The following COG5 variants were observed in gnomAD, a reference collection of about 807,000 sequenced individuals.
COG5 encodes conserved oligomeric Golgi complex subunit 5.
Under a neutral mutation model 110.4 loss-of-function variants are expected in COG5, and 86 were observed. The ratio of observed to expected loss-of-function variants is 0.78; its 90% CI spans 0.65 to 0.93. COG5 has a LOEUF of 0.93. Ranked by LOEUF, COG5 falls within the 40% of genes least tolerant of loss-of-function variation. The pLI, the probability that COG5 is intolerant of heterozygous loss-of-function variation, is 0.00. For missense variants in COG5, 1,077 were observed against 987.0 expected (o/e 1.09, Z -1.22); for synonymous variants, 360 against 334.6 (o/e 1.08, Z -0.83).
At chr7:107,441,455 C>G (rs1353588660) in intron 6 of COG5, among the ~76,000 whole-genome samples, 1 of 151,948 alleles carries the variant, frequency 6.6e-6, no homozygotes, top group Non-Finnish European at 1.5e-5. Flanking sequence ...CTTTTTAGCC[C>G]TTCACTGTCA....
At chr7:107,520,348 G>T (rs934115955) in intron 6 of COG5, among the ~76,000 whole-genome samples, 2 of 152,188 alleles carry the variant, frequency 1.3e-5, no homozygotes, top group Non-Finnish European at 2.9e-5. Context: ...AAGAGAGGAA[G>T]TCAAATTGTC....
chr7:107,298,404 T>C, intron 11 of COG5, 58 bp from the exon 12 acceptor site: 1 of 1,402,646 alleles, frequency 7.1e-7, no homozygotes, highest in South Asian at 1.2e-5. Context: ...TAAATGTTTC[T>C]TTTGCATATG....
chr7:107,420,575 C>G (rs139435676), intron 6 of COG5, among the ~76,000 whole-genome samples: 20,147 of 152,198 alleles, frequency 0.13, 1,646 homozygotes, highest in Non-Finnish European at 0.18. Context: ...ATTCTCCTGC[C>G]TCAGCCTCCT....
intron 14 of COG5, among the ~76,000 whole-genome samples, chr7:107,259,564 A>G (rs532344539): frequency 7.2e-5 from 11 of 152,228 alleles, no homozygotes; most frequent in African/African-American, 2.6e-4. Context: ...GGTGAGTGGC[A>G]TCGGTGGGTA....
chr7:107,493,866 G>T (rs1798112190), intron 6 of COG5, among the ~76,000 whole-genome samples: 1 of 152,162 alleles, frequency 6.6e-6, no homozygotes, highest in Non-Finnish European at 1.5e-5. Context: ...TTGGGACACA[G>T]ATCTTCTGCT....
At chr7:107,304,501 G>C (rs565166938) in intron 11 of COG5, among the ~76,000 whole-genome samples, 2 of 152,294 alleles carry the variant, frequency 1.3e-5, no homozygotes, top group Admixed American at 1.3e-4. Context: ...AATGAAAAGG[G>C]GGTCTAGGTT....
intron 10 of COG5, among the ~76,000 whole-genome samples, chr7:107,328,399 G>C (rs924444765): frequency 6.6e-6 from 1 of 152,170 alleles, no homozygotes; most frequent in African/African-American, 2.4e-5. Context: ...ATGTCATTAT[G>C]TGGTGTATGA....
intron 5 of COG5, among the ~76,000 whole-genome samples, chr7:107,538,493 A>G (rs979598597): frequency 6.6e-6 from 1 of 152,122 alleles, no homozygotes; most frequent in Admixed American, 6.6e-5. Context: ...CACTCTGAAC[A>G]TCACTATTTG....
In COG5 at chr7:107,508,171, C is replaced by T. The variant is rs145996728; in HGVS notation, c.538+19066G>A. On this transcript the variant is annotated intron_variant, in intron 6 of 21. Coordinates refer to ENST00000297135, the MANE Select transcript of COG5 (RefSeq NM_006348.5). ...AGAAGGCACCTGGAAAATCGGGTAA[C>T]TCCCACCCTAATACTGCACTTTTCC... is the stretch of plus-strand genomic sequence containing the variant. Among the ~76,000 whole-genome samples, 841 of 152,344 alleles carry T rather than the reference C, an allele frequency of 5.5e-3. 11 individuals carry two copies. The highest frequency in any genetic ancestry group is 0.019 in the African/African-American group (808 of 41,578).
chr7:107,351,635 C>A (rs1812146019), intron 10 of COG5, among the ~76,000 whole-genome samples: 1 of 152,086 alleles, frequency 6.6e-6, no homozygotes, highest in Non-Finnish European at 1.5e-5. Context: ...ACAACCCCAT[C>A]AAAAAGTGAG....
At chr7:107,490,642 G>C (rs959632525) in intron 6 of COG5, among the ~76,000 whole-genome samples, 1 of 152,098 alleles carries the variant, frequency 6.6e-6, no homozygotes, top group African/African-American at 2.4e-5. Context: ...ACTATATACT[G>C]GGCAGGGTCA....
At chr7:107,383,446 T>C (rs1465182359) in intron 7 of COG5, among the ~76,000 whole-genome samples, 2 of 152,130 alleles carry the variant, frequency 1.3e-5, no homozygotes, top group African/African-American at 4.8e-5. Context: ...CAGGTTAATA[T>C]CCATGGCATA....
chr7:107,305,397 T>A (rs1215577362), intron 11 of COG5, among the ~76,000 whole-genome samples: 2 of 152,184 alleles, frequency 1.3e-5, no homozygotes, highest in African/African-American at 4.8e-5. Context: ...ATCACCCAGA[T>A]TATGAAAGCA....
At chr7:107,224,608 T>G (rs1452501723) in intron 19 of COG5, among the ~76,000 whole-genome samples, 1 of 152,178 alleles carries the variant, frequency 6.6e-6, no homozygotes, top group Non-Finnish European at 1.5e-5. Context: ...TGAAGAGCAT[T>G]TGCTCCCTTT....
Position 107,349,564 on chromosome 7 carries a change from C to CT in COG5, c.1026+12468dup, listed in dbSNP as rs553205073. Among the ~76,000 whole-genome samples the CT allele has an allele frequency of 6.1e-3, 862 of 140,876 alleles. 6 individuals are homozygous for CT. Among genetic ancestry groups the CT allele is most frequent in the African/African-American group, 0.02 (762 of 38,462 alleles). 92.4% of individuals were successfully genotyped at this position (140,876 alleles called of 152,430 possible). ...TACAGGCACGTGCCATCATGCTTGG[C>CT]TTTTTTTTTTTGAGACAGAGTCTCG... On this transcript the variant is annotated intron_variant, in intron 10 of 21. Transcript: ENST00000297135.
chr7:107,211,767 T>C (rs1332751646), intron 19 of COG5, among the ~76,000 whole-genome samples: 2 of 152,224 alleles, frequency 1.3e-5, no homozygotes, highest in African/African-American at 2.4e-5. Flanking sequence ...TTATACTATA[T>C]TACATGTATG....
In COG5 at chr7:107,535,515, A is replaced by C. The variant is rs556831159; in HGVS notation, c.418-8158T>G. Among the ~76,000 whole-genome samples the C allele has an allele frequency of 2.0e-5, 3 of 148,584 alleles. No homozygotes were observed. In the South Asian group the frequency reaches 6.2e-4, roughly 31 times the overall value. Reference sequence around the variant, plus strand: ...TCCCACAGAAATACAAACTACCATCACAGAATACCATAAACACCTCTATGC... The same window carrying C: ...TCCCACAGAAATACAAACTACCATCCCAGAATACCATAAACACCTCTATGC... On this transcript the variant is annotated intron_variant, in intron 5 of 21. Coordinates refer to ENST00000297135, the MANE Select transcript of COG5 (RefSeq NM_006348.5).
intron 12 of COG5, among the ~76,000 whole-genome samples, chr7:107,292,304 C>T (rs1227548954): frequency 6.6e-6 from 1 of 152,064 alleles, no homozygotes; most frequent in African/African-American, 2.4e-5. Flanking sequence ...AACTGCTGAC[C>T]GACTGCCATG....
At chr7:107,226,051 CAAAA>C (rs1562921548) in intron 19 of COG5, among the ~76,000 whole-genome samples, 1 of 151,708 alleles carries the variant, frequency 6.6e-6, no homozygotes, top group Non-Finnish European at 1.5e-5. Context: ...CACACACACA[CAAAA>C]AAACAATAAA....
Sources: gnomAD v4.1 joint callset for allele counts (sites outside exome capture counted in the v4.1 genomes callset) on GRCh38, gnomAD v4.1.1 for gene constraint, MANE v1.5 for transcripts, NCBI Gene and HGNC (gene_info 2026-07-23, HGNC 2026-07-21) for gene names.